The following OSBPL10 variants were observed in gnomAD, a reference collection of about 807,000 sequenced individuals.
The protein encoded by OSBPL10 is oxysterol-binding protein-related protein 10.
OSBPL10 carries 49 observed loss-of-function variants against 81.7 expected under a neutral mutation model. That is an observed-to-expected ratio of 0.60 (90% confidence interval 0.48 to 0.76). The LOEUF (loss-of-function observed/expected upper bound fraction) is 0.76, where lower values mean the gene tolerates loss of function less well. Among genes scored for constraint, OSBPL10 ranks in the 30% least tolerant of loss-of-function variants. The pLI is 0.00. For synonymous variants in OSBPL10, 419 were observed against 383.6 expected (o/e 1.09, Z -1.08); for missense variants, 923 against 987.8 (o/e 0.93, Z 0.88).
chr3:31,992,598 C>G (rs764073603), intron 2 of OSBPL10, among the ~76,000 whole-genome samples: 1 of 152,196 alleles, frequency 6.6e-6, no homozygotes, highest in Non-Finnish European at 1.5e-5. Flanking sequence ...TTCTCTGACT[C>G]TGACCCTCCT....
intron 4 of OSBPL10, among the ~76,000 whole-genome samples, chr3:31,756,816 ACCT>A (rs1697902426): frequency 6.6e-6 from 1 of 151,994 alleles, no homozygotes; most frequent in Non-Finnish European, 1.5e-5. Context: ...ATAGGGGGAA[ACCT>A]CCTCTTGGCT....
chr3:31,773,990 C>T (rs77957999), intron 4 of OSBPL10, among the ~76,000 whole-genome samples: 2 of 151,988 alleles, frequency 1.3e-5, no homozygotes, highest in South Asian at 2.1e-4. Flanking sequence ...GGTGAAACCC[C>T]GTCTCTACTA....
intron 2 of OSBPL10, among the ~76,000 whole-genome samples, chr3:31,999,658 GC>G (rs1183976628): frequency 6.6e-6 from 1 of 152,046 alleles, no homozygotes; most frequent in Non-Finnish European, 1.5e-5. Flanking sequence ...ACCGTGCCCG[GC>G]CTCAAAATCA....
chr3:31,878,214 A>C (rs1429205350), intron 2 of OSBPL10, among the ~76,000 whole-genome samples: 3 of 152,256 alleles, frequency 2.0e-5, no homozygotes, highest in Admixed American at 2.0e-4. Context: ...ATTCAATGGC[A>C]AAACAAGATG....
At chr3:31,810,288 T>C (rs1299686965) in intron 4 of OSBPL10, among the ~76,000 whole-genome samples, 1 of 152,234 alleles carries the variant, frequency 6.6e-6, no homozygotes, top group Non-Finnish European at 1.5e-5. Context: ...GTAAACTGAC[T>C]AAAAGTCATT....
intron 6 of OSBPL10, among the ~76,000 whole-genome samples, chr3:31,731,782 C>T (rs55886911): frequency 0.45 from 68,639 of 151,672 alleles, 15,917 homozygotes; most frequent in East Asian, 0.62. Context: ...CCACTGCGCC[C>T]GGCCAGGAGT....
At chr3:31,882,798 A>G (rs1695622369) in intron 1 of OSBPL10, among the ~76,000 whole-genome samples, 1 of 152,208 alleles carries the variant, frequency 6.6e-6, no homozygotes, top group South Asian at 2.1e-4. Flanking sequence ...CACTATATTA[A>G]TAAGAAAGAA....
At chr3:31,705,546 A>T (rs1303044267) in intron 6 of OSBPL10, among the ~76,000 whole-genome samples, 2 of 152,216 alleles carry the variant, frequency 1.3e-5, no homozygotes, top group Non-Finnish European at 2.9e-5. Flanking sequence ...GGGTTTGAAG[A>T]AGCAGGTCTT....
chr3:31,699,781 A>G (rs1018814713), intron 7 of OSBPL10, among the ~76,000 whole-genome samples: 1 of 152,158 alleles, frequency 6.6e-6, no homozygotes, highest in African/African-American at 2.4e-5. Flanking sequence ...ATGACTCACA[A>G]ATGTGTCAAC....
At chr3:31,883,541 TG>T (rs766342333) in intron 1 of OSBPL10, among the ~76,000 whole-genome samples, 3 of 93,874 alleles carry the variant, frequency 3.2e-5, no homozygotes, top group African/African-American at 4.7e-5. Context: ...TTTTTTTTGT[TG>T]TTTTTTTTTT....
chr3:31,847,826 C>G (rs1317367991), intron 3 of OSBPL10, among the ~76,000 whole-genome samples: 1 of 152,052 alleles, frequency 6.6e-6, no homozygotes, highest in Non-Finnish European at 1.5e-5. Context: ...ATTACACCTT[C>G]CAAGGCTGGA....
At chr3:32,046,214 G>A (rs1699620100) in intron 2 of OSBPL10, among the ~76,000 whole-genome samples, 1 of 152,198 alleles carries the variant, frequency 6.6e-6, no homozygotes, top group Non-Finnish European at 1.5e-5. Flanking sequence ...CAGCCTGTGT[G>A]ACACAGTGAG....
chr3:32,072,124 C>G (rs1460067808), intron 1 of OSBPL10, among the ~76,000 whole-genome samples: 1 of 152,148 alleles, frequency 6.6e-6, no homozygotes, highest in Non-Finnish European at 1.5e-5. Context: ...TATACTGACT[C>G]TAAATATGCC....
chr3:31,673,598 T>G (rs569860759), intron 8 of OSBPL10, among the ~76,000 whole-genome samples: 1 of 152,150 alleles, frequency 6.6e-6, no homozygotes, highest in Non-Finnish European at 1.5e-5. Context: ...CCAGAGGAGA[T>G]AGTCCACTGC....
At chr3:31,779,174 T>G (rs1193855023) in intron 4 of OSBPL10, among the ~76,000 whole-genome samples, 1 of 152,104 alleles carries the variant, frequency 6.6e-6, no homozygotes, top group East Asian at 1.9e-4. Context: ...AAAAAGGTAT[T>G]CAGACAACAA....
intron 2 of OSBPL10, among the ~76,000 whole-genome samples, chr3:32,014,008 C>T (rs900638954): frequency 9.2e-5 from 14 of 152,118 alleles, no homozygotes; most frequent in African/African-American, 3.1e-4. Flanking sequence ...CCGAATTCTA[C>T]CAGAGGTACA....
intron 2 of OSBPL10, among the ~76,000 whole-genome samples, chr3:32,021,079 G>A (rs911508955): frequency 6.6e-6 from 1 of 151,936 alleles, no homozygotes; most frequent in African/African-American, 2.4e-5. Flanking sequence ...CACCAGTTCT[G>A]TTGGATTGGA....
At chr3:31,768,336 C>T (rs1698263614) in intron 4 of OSBPL10, among the ~76,000 whole-genome samples, 1 of 152,126 alleles carries the variant, frequency 6.6e-6, no homozygotes, top group Non-Finnish European at 1.5e-5. Context: ...TCCTACCAAA[C>T]TCCTATCTCA....
rs140317593 is a variant in OSBPL10 at position 31,696,493 on chromosome 3, T to A, written c.1245+5866A>T. Among the ~76,000 whole-genome samples the A allele has an allele frequency of 3.1e-3, 473 of 152,360 alleles. 2 individuals are homozygous for A. Among genetic ancestry groups the A allele is most frequent in the Non-Finnish European group, 5.3e-3 (358 of 68,032 alleles). On this transcript the variant is annotated intron_variant, in intron 7 of 11. Transcript: ENST00000396556. ...CCCATCAGACTTTGGCAAAGCCAAA[T>A]ACAATGGTCCATTTGCAGGCCCCAG...
Sources: gnomAD v4.1 joint callset for allele counts (sites outside exome capture counted in the v4.1 genomes callset) on GRCh38, gnomAD v4.1.1 for gene constraint, MANE v1.5 for transcripts, NCBI Gene and HGNC (gene_info 2026-07-23, HGNC 2026-07-21) for gene names.